ANK3: variants seen among roughly 807,000 people sequenced by gnomAD.
The protein encoded by ANK3 is ankyrin-3.
In ANK3, 57 loss-of-function variants were observed where a neutral mutation model predicts 370.9. That is an observed-to-expected ratio of 0.15 (90% confidence interval 0.12 to 0.19). ANK3 has a LOEUF of 0.19. Among genes scored for constraint, ANK3 ranks in the 10% least tolerant of loss-of-function variants. The pLI is 1.00. For missense variants in ANK3, 4,439 were observed against 5,302.1 expected (o/e 0.84, Z 5.06); for synonymous variants, 1,929 against 1,946.3 (o/e 0.99, Z 0.23).
intron 1 of ANK3, among the ~76,000 whole-genome samples, chr10:60,662,930 C>T (rs2078953072): frequency 6.6e-6 from 1 of 152,166 alleles, no homozygotes; most frequent in Admixed American, 6.5e-5. Context: ...TTACAGAACA[C>T]TTGTGTAAGA....
chr10:60,415,928 C>CCA (rs1555370005), intron 2 of ANK3, among the ~76,000 whole-genome samples: 1 of 129,502 alleles, frequency 7.7e-6, no homozygotes, highest in Non-Finnish European at 1.7e-5. Flanking sequence ...CCCCCACCCC[C>CCA]CCGCCATTCA....
At chr10:60,467,486 G>C (rs1043765844) in intron 2 of ANK3, among the ~76,000 whole-genome samples, 5 of 152,054 alleles carry the variant, frequency 3.3e-5, no homozygotes, top group African/African-American at 1.2e-4. Context: ...CTTTACAGAA[G>C]GTTTTTGAAA....
At chr10:60,572,710 G>A (rs2077628708) in intron 2 of ANK3, 1 of 1,393,412 alleles carries the variant, frequency 7.2e-7, no homozygotes, top group South Asian at 1.8e-5. Context: ...TGCTAATGTA[G>A]CCCTGTTCAG....
At chr10:60,376,522 G>A (rs1031020360) in intron 1 of ANK3, among the ~76,000 whole-genome samples, 1 of 152,168 alleles carries the variant, frequency 6.6e-6, no homozygotes, top group Non-Finnish European at 1.5e-5. Context: ...ACAGCCTGCC[G>A]CTGAAGACAA....
chr10:60,196,016 T>C, intron 16 of ANK3, 129 bp downstream of exon 16: 2 of 718,046 alleles, frequency 2.8e-6, no homozygotes, highest in Non-Finnish European at 2.3e-6. Context: ...CCTAAGGTGC[T>C]TCTATTTCTG....
intron 1 of ANK3, among the ~76,000 whole-genome samples, chr10:60,336,080 C>T (rs746196145): frequency 2.0e-5 from 3 of 150,068 alleles, no homozygotes; most frequent in Non-Finnish European, 2.9e-5. Flanking sequence ...GGATTTTTAA[C>T]ATAGTTTGGC....
At chr10:60,418,702 C>T (rs978528989) in intron 2 of ANK3, among the ~76,000 whole-genome samples, 3 of 149,666 alleles carry the variant, frequency 2.0e-5, no homozygotes, top group Non-Finnish European at 4.4e-5. Flanking sequence ...TTGCATGGGA[C>T]ATACTTACGC....
chr10:60,281,126 C>T (rs1311706717), intron 1 of ANK3, among the ~76,000 whole-genome samples: 2 of 152,314 alleles, frequency 1.3e-5, no homozygotes, highest in Middle Eastern at 3.4e-3. Context: ...GGTCAATTCA[C>T]TAAGAGTCAA....
chr10:60,642,020 C>A (rs1453056843), intron 1 of ANK3, among the ~76,000 whole-genome samples: 156 of 138,924 alleles, frequency 1.1e-3, no homozygotes, highest in African/African-American at 3.7e-3. Flanking sequence ...AGCCAAAAAA[C>A]ACATGAAAAA....
rs78725036 is a variant in ANK3 at position 60,141,889 on chromosome 10, A to C, written c.2615-2802T>G. ...TGGCTGTAATCAACATGGGAAATACATGGAAATAGAAGGGAAGTCATTTAT... is the reference window on the plus strand; with the variant it reads ...TGGCTGTAATCAACATGGGAAATACCTGGAAATAGAAGGGAAGTCATTTAT... On this transcript the variant is annotated intron_variant, in intron 23 of 43. Coordinates refer to ENST00000280772, the MANE Select transcript of ANK3 (RefSeq NM_020987.5). Among the ~76,000 whole-genome samples, 1,395 of 152,242 alleles carry C rather than the reference A, an allele frequency of 9.2e-3. 30 individuals carry two copies. The highest frequency in any genetic ancestry group is 0.032 in the African/African-American group (1,329 of 41,538).
At chr10:60,049,842 T>C (rs1419619558) in intron 42 of ANK3, among the ~76,000 whole-genome samples, 1 of 152,236 alleles carries the variant, frequency 6.6e-6, no homozygotes, top group Non-Finnish European at 1.5e-5. Context: ...GTTATTGTTT[T>C]TGTTTTCTCA....
At chr10:60,367,774 A>C (rs2059584937) in intron 1 of ANK3, among the ~76,000 whole-genome samples, 1 of 152,230 alleles carries the variant, frequency 6.6e-6, no homozygotes, top group African/African-American at 2.4e-5. Context: ...GTGACATTTA[A>C]GTATAAAAGG....
intron 35 of ANK3, chr10:60,081,551 TAGTG>T (rs1367753616): frequency 2.3e-6 from 1 of 435,744 alleles, no homozygotes; most frequent in Non-Finnish European, 4.5e-6. Flanking sequence ...TAAATTTCTT[TAGTG>T]AGAGTATCAA....
chr10:60,464,633 G>A (rs2064968157), intron 2 of ANK3, among the ~76,000 whole-genome samples: 1 of 152,110 alleles, frequency 6.6e-6, no homozygotes, highest in African/African-American at 2.4e-5. Flanking sequence ...ATACGAAGAT[G>A]GAATATTTTT....
At chr10:60,468,273 C>A (rs1043985511) in intron 2 of ANK3, among the ~76,000 whole-genome samples, 1 of 152,020 alleles carries the variant, frequency 6.6e-6, no homozygotes, top group African/African-American at 2.4e-5. Context: ...CAGGAGCCAC[C>A]GTGCCCGGCC....
chr10:60,063,310 C>A lies in ANK3; in HGVS notation c.12452-56G>T. On this transcript the variant is annotated intron_variant, in intron 39 of 43. Coordinates refer to ENST00000280772, the MANE Select transcript of ANK3 (RefSeq NM_020987.5). ...AATTAAATTATGTTCTTTCAGTCAG[C>A]ACAATATCTACACAAAGGCATGGCT... is the stretch of plus-strand genomic sequence containing the variant. 1.4e-5 allele frequency: 21 copies of A among 1,525,786 alleles called. No homozygotes were observed. The Middle Eastern group carries it at 7.0e-4, about 51-fold the overall frequency. The allele number at this position is 1,525,786 out of a possible 1,614,324, so 94.5% of individuals were successfully genotyped here.
chr10:60,425,772 T>C (rs1041220597), intron 2 of ANK3, among the ~76,000 whole-genome samples: 3 of 152,104 alleles, frequency 2.0e-5, no homozygotes, highest in Non-Finnish European at 4.4e-5. Context: ...CATAAAGGAC[T>C]GGGTCTTGGG....
At chr10:60,654,589 A>C (rs1005555420) in intron 1 of ANK3, among the ~76,000 whole-genome samples, 2 of 152,182 alleles carry the variant, frequency 1.3e-5, no homozygotes, top group African/African-American at 4.8e-5. Context: ...GCTATGGTAA[A>C]TTACATCGAT....
intron 2 of ANK3, among the ~76,000 whole-genome samples, chr10:60,537,864 C>T (rs1324263345): frequency 6.6e-6 from 1 of 151,876 alleles, no homozygotes; most frequent in Non-Finnish European, 1.5e-5. Context: ...AACAAGGTGA[C>T]ATTTCATTTT....
Sources: gnomAD v4.1 joint callset for allele counts (sites outside exome capture counted in the v4.1 genomes callset) on GRCh38, gnomAD v4.1.1 for gene constraint, MANE v1.5 for transcripts, NCBI Gene and HGNC (gene_info 2026-07-23, HGNC 2026-07-21) for gene names.